RSU1: variants seen among roughly 807,000 people sequenced by gnomAD.
RSU1 encodes rsu-1.
A neutral mutation model predicts 31.1 loss-of-function variants in RSU1; 26 were observed. The ratio of observed to expected loss-of-function variants is 0.84; its 90% CI spans 0.61 to 1.16. The LOEUF (loss-of-function observed/expected upper bound fraction) is 1.16. RSU1 is among the 50% of genes most tolerant of loss of function. RSU1 has a pLI of 0.00. For missense variants in RSU1, 320 were observed against 339.1 expected (o/e 0.94, Z 0.44); for synonymous variants, 164 against 136.3 (o/e 1.20, Z -1.41).
chr10:16,718,371 G>A (rs1836187124), intron 7 of RSU1, among the ~76,000 whole-genome samples: 1 of 152,052 alleles, frequency 6.6e-6, no homozygotes, highest in South Asian at 2.1e-4. Context: ...AACAACCTTA[G>A]GCAGTAAATA....
At chr10:16,797,787 A>G (rs1055591472) in intron 2 of RSU1, among the ~76,000 whole-genome samples, 1 of 151,976 alleles carries the variant, frequency 6.6e-6, no homozygotes, top group Non-Finnish European at 1.5e-5. Flanking sequence ...AAATTCAAAG[A>G]CATATAAGAG....
At chr10:16,620,556 T>TAAAA (rs148278416) in intron 8 of RSU1, among the ~76,000 whole-genome samples, 36 of 133,900 alleles carry the variant, frequency 2.7e-4, no homozygotes, top group African/African-American at 8.8e-4. Context: ...TACAAAATGT[T>TAAAA]AAAAAAAAAA....
intron 2 of RSU1, among the ~76,000 whole-genome samples, chr10:16,788,455 G>T (rs918046783): frequency 6.6e-6 from 1 of 152,190 alleles, no homozygotes; most frequent in Non-Finnish European, 1.5e-5. Flanking sequence ...GAGGAGACAT[G>T]TGAGACACGA....
rs766480849 is a variant in RSU1, at chr10:16,645,321, C to T, written c.731+49702G>A. 6.4e-4 allele frequency among the ~76,000 whole-genome samples: 97 copies of T among 152,042 alleles called. 1 individual carries two copies. The highest frequency in any genetic ancestry group is 9.7e-4 in the Non-Finnish European group (66 of 67,998). On this transcript the variant is annotated intron_variant, in intron 8 of 8. Transcript: ENST00000345264. ...TACCAAAGGTGGTTTTGTTTGTTTG[C>T]ATGTTTCCCAAAAGCTCATCTTTTC...
chr10:16,630,916 C>T (rs751352988), intron 8 of RSU1, among the ~76,000 whole-genome samples: 1 of 152,204 alleles, frequency 6.6e-6, no homozygotes, highest in African/African-American at 2.4e-5. Flanking sequence ...ACTAATTAAC[C>T]ACTTCTCTAA....
chr10:16,596,824 G>A (rs1359809925), intron 8 of RSU1, among the ~76,000 whole-genome samples: 4 of 152,158 alleles, frequency 2.6e-5, no homozygotes, highest in Non-Finnish European at 4.4e-5. Flanking sequence ...CCGAGTTCAA[G>A]TGATTCTCGT....
At chr10:16,760,540 G>T (rs1837190869) in intron 4 of RSU1, among the ~76,000 whole-genome samples, 1 of 150,838 alleles carries the variant, frequency 6.6e-6, no homozygotes, top group Non-Finnish European at 1.5e-5. Context: ...AAAGAAAAGT[G>T]TACGACTCTG....
At chr10:16,803,328 G>C (rs1388928875) in intron 2 of RSU1, among the ~76,000 whole-genome samples, 1 of 152,088 alleles carries the variant, frequency 6.6e-6, no homozygotes, top group Non-Finnish European at 1.5e-5. Flanking sequence ...TATGAGAAAA[G>C]CTTCAAAGCT....
intron 8 of RSU1, among the ~76,000 whole-genome samples, chr10:16,612,434 C>T (rs866187387): frequency 1.2e-4 from 18 of 152,282 alleles, no homozygotes; most frequent in Admixed American, 2.6e-4. Flanking sequence ...GGTGCAAACT[C>T]TTTTTGCTCT....
intron 7 of RSU1, among the ~76,000 whole-genome samples, chr10:16,697,482 G>A (rs1835701667): frequency 6.6e-6 from 1 of 152,070 alleles, no homozygotes; most frequent in South Asian, 2.1e-4. Flanking sequence ...TGGCCAACAT[G>A]GCAAAACCCA....
intron 8 of RSU1, among the ~76,000 whole-genome samples, chr10:16,673,671 TGGAA>T (rs1440308721): frequency 2.0e-5 from 3 of 152,094 alleles, no homozygotes; most frequent in Non-Finnish European, 4.4e-5. Context: ...ATGACGCAGG[TGGAA>T]GGATGAGCAA....
At chr10:16,755,034 A>G (rs7910261) in intron 4 of RSU1, 45 bp from the exon 5 acceptor site, 334,933 of 1,169,496 alleles carry the variant, frequency 0.29, 58,928 homozygotes, top group African/African-American at 0.81. Flanking sequence ...CCAAAGACAC[A>G]TTCATACAGA....
intron 7 of RSU1, among the ~76,000 whole-genome samples, chr10:16,725,233 A>T (rs539450247): frequency 5.3e-5 from 8 of 152,330 alleles, no homozygotes; most frequent in African/African-American, 1.9e-4. Flanking sequence ...AAAAATAAAT[A>T]ATCCTATGTA....
chr10:16,812,938 T>G (rs1487227660), intron 2 of RSU1, among the ~76,000 whole-genome samples: 1 of 152,000 alleles, frequency 6.6e-6, no homozygotes, highest in Admixed American at 6.6e-5. Context: ...GTGAAATCTC[T>G]TTAATAAAAA....
chr10:16,683,080 C>A (rs1275051263), intron 8 of RSU1, among the ~76,000 whole-genome samples: 1 of 151,862 alleles, frequency 6.6e-6, no homozygotes, highest in Non-Finnish European at 1.5e-5. Context: ...CCATTCCTTA[C>A]AATGAAACAG....
chr10:16,604,857 GA>G (rs1325882034), intron 8 of RSU1, among the ~76,000 whole-genome samples: 1 of 152,146 alleles, frequency 6.6e-6, no homozygotes, highest in Non-Finnish European at 1.5e-5. Context: ...GAGCCAGCGA[GA>G]AAAACAGGCC....
At chr10:16,717,290 G>A (rs991815138) in intron 7 of RSU1, among the ~76,000 whole-genome samples, 1 of 152,108 alleles carries the variant, frequency 6.6e-6, no homozygotes, top group African/African-American at 2.4e-5. Context: ...TATAAAATAT[G>A]TACAAAGATA....
At chr10:16,774,440 C>T (rs1056348502) in intron 3 of RSU1, among the ~76,000 whole-genome samples, 1 of 152,084 alleles carries the variant, frequency 6.6e-6, no homozygotes, top group African/African-American at 2.4e-5. Context: ...CATGGCAGTG[C>T]ACACCTGTAG....
At position 16,731,940 on chromosome 10, in the gene RSU1, A is replaced by G. The variant is rs79917638; in HGVS notation, c.598+20599T>C. Among the ~76,000 whole-genome samples the G allele has an allele frequency of 7.8e-3, 1,193 of 152,270 alleles. 35 individuals are homozygous for G. The highest frequency in any genetic ancestry group is 0.061 in the East Asian group (313 of 5,172). On this transcript the variant is annotated intron_variant, in intron 7 of 8. Coordinates refer to ENST00000345264, the MANE Select transcript of RSU1 (RefSeq NM_012425.4). The stretch of plus-strand genomic sequence containing the variant: ...TATTTAATCCCAGGTCCCATGGTCA[A>G]GTATATACAATTTTTCCTAGACAGA...
Sources: gnomAD v4.1 joint callset for allele counts (sites outside exome capture counted in the v4.1 genomes callset) on GRCh38, gnomAD v4.1.1 for gene constraint, MANE v1.5 for transcripts, NCBI Gene and HGNC (gene_info 2026-07-23, HGNC 2026-07-21) for gene names.